The following ANKS1B variants were observed in gnomAD, a reference collection of about 807,000 sequenced individuals.
ANKS1B encodes ankyrin repeat and sterile alpha motif domain containing 1B, also known as ankyrin repeat and sterile alpha motif domain-containing protein 1B.
A neutral mutation model predicts 148.3 loss-of-function variants in ANKS1B; 36 were observed. That is an observed-to-expected ratio of 0.24 (90% CI 0.19 to 0.32). The LOEUF is 0.32. ANKS1B is among the 10% of genes least tolerant of loss of function. The pLI is 1.00. For synonymous variants in ANKS1B, 542 were observed against 560.8 expected, an observed-to-expected ratio of 0.97 and a Z score of 0.47; for missense variants, 1,157 against 1,542.6, an observed-to-expected ratio of 0.75 and a Z score of 4.19.
At chr12:99,480,199 T>C (rs985822900) in intron 10 of ANKS1B, among the ~76,000 whole-genome samples, 5 of 151,884 alleles carry the variant, frequency 3.3e-5, no homozygotes, top group Non-Finnish European at 5.9e-5. Context: ...ATTTGTTTTA[T>C]GAAAAGCTCT....
chr12:99,814,864 A>G (rs1451438229), intron 2 of ANKS1B, among the ~76,000 whole-genome samples: 1 of 151,788 alleles, frequency 6.6e-6, no homozygotes, highest in Non-Finnish European at 1.5e-5. Flanking sequence ...AATTCCAGTG[A>G]TTGCTTTTTA....
chr12:99,917,194 A>G (rs1433469142), intron 1 of ANKS1B, among the ~76,000 whole-genome samples: 6 of 152,212 alleles, frequency 3.9e-5, no homozygotes, highest in African/African-American at 1.4e-4. Context: ...ATACTTCATG[A>G]TCAGATACAA....
At chr12:99,751,954 C>T (rs2061147503) in intron 8 of ANKS1B, among the ~76,000 whole-genome samples, 1 of 151,860 alleles carries the variant, frequency 6.6e-6, no homozygotes, top group Non-Finnish European at 1.5e-5. Context: ...AGTGTGAGAA[C>T]TCAGGTATAG....
intron 1 of ANKS1B, among the ~76,000 whole-genome samples, chr12:99,959,227 A>ATTTTTTTTTTTTTTTTT (rs71088166): frequency 7.0e-5 from 7 of 99,896 alleles, no homozygotes; most frequent in Non-Finnish European, 1.1e-4. Context: ...CACCCAGTTA[A>ATTTTTTTTTTTTTTTTT]TTTTTTTTTT....
chr12:99,927,918 G>C (rs934284680), intron 1 of ANKS1B, among the ~76,000 whole-genome samples: 3 of 152,098 alleles, frequency 2.0e-5, no homozygotes, highest in African/African-American at 7.2e-5. Context: ...ATTGTAATCT[G>C]AATCTTTAAG....
intron 9 of ANKS1B, among the ~76,000 whole-genome samples, chr12:99,588,657 A>AT (rs1407662190): frequency 6.6e-6 from 1 of 151,696 alleles, no homozygotes; most frequent in Admixed American, 6.6e-5. Context: ...ATGGTTTTGA[A>AT]TTTTTTTTTA....
intron 17 of ANKS1B, among the ~76,000 whole-genome samples, chr12:99,017,611 T>C (rs1271113613): frequency 6.6e-6 from 1 of 152,168 alleles, no homozygotes. Flanking sequence ...ACCAGTATGA[T>C]TCCATCCCTA....
intron 9 of ANKS1B, among the ~76,000 whole-genome samples, chr12:99,524,820 A>G (rs2096910608): frequency 1.3e-5 from 2 of 152,188 alleles, no homozygotes; most frequent in South Asian, 2.1e-4. Flanking sequence ...CCATGAGAAC[A>G]GTATTGGGGA....
At chr12:98,799,859 C>A (rs780947430) in intron 21 of ANKS1B, among the ~76,000 whole-genome samples, 26 of 151,636 alleles carry the variant, frequency 1.7e-4, no homozygotes, top group Non-Finnish European at 2.5e-4. Context: ...GCCCTCCCCC[C>A]ACCAGCCCCC....
At chr12:99,217,468 C>T (rs557521358) in intron 14 of ANKS1B, among the ~76,000 whole-genome samples, 1 of 152,056 alleles carries the variant, frequency 6.6e-6, no homozygotes, top group Non-Finnish European at 1.5e-5. Context: ...CTGGATGTTC[C>T]ATTATGTTTC....
At chr12:99,785,953 T>C (rs917519261) in intron 4 of ANKS1B, among the ~76,000 whole-genome samples, 4 of 152,324 alleles carry the variant, frequency 2.6e-5, no homozygotes, top group Admixed American at 6.5e-5. Context: ...AGCACAGTTT[T>C]GAAGGAAATG....
intron 10 of ANKS1B, among the ~76,000 whole-genome samples, chr12:99,501,090 T>A (rs1473546485): frequency 1.7e-5 from 2 of 118,464 alleles, no homozygotes; most frequent in East Asian, 2.2e-4. Flanking sequence ...TTTCTAAAAG[T>A]TTTTTTTTTC....
intron 4 of ANKS1B, among the ~76,000 whole-genome samples, chr12:99,804,349 G>C (rs2067330005): frequency 6.6e-6 from 1 of 152,186 alleles, no homozygotes; most frequent in South Asian, 2.1e-4. Context: ...CCTTTGAGGA[G>C]AGAGACTGTT....
At chr12:98,946,313 T>A (rs991853878) in intron 17 of ANKS1B, among the ~76,000 whole-genome samples, 1 of 152,216 alleles carries the variant, frequency 6.6e-6, no homozygotes, top group Non-Finnish European at 1.5e-5. Flanking sequence ...TCCTTCCCTA[T>A]CCCTGCACTC....
intron 17 of ANKS1B, among the ~76,000 whole-genome samples, chr12:99,018,621 A>G (rs950222440): frequency 1.3e-5 from 2 of 152,186 alleles, no homozygotes; most frequent in African/African-American, 4.8e-5. Context: ...ACTTCTACTC[A>G]TGAAACACAT....
chr12:99,618,761 C>T (rs974856155), intron 9 of ANKS1B, among the ~76,000 whole-genome samples: 1 of 152,000 alleles, frequency 6.6e-6, no homozygotes, highest in South Asian at 2.1e-4. Context: ...TTTCCCAGAC[C>T]CAGGACTGAG....
At chr12:98,992,154 A>C (rs1467474670) in intron 17 of ANKS1B, among the ~76,000 whole-genome samples, 1 of 151,914 alleles carries the variant, frequency 6.6e-6, no homozygotes, top group Non-Finnish European at 1.5e-5. Flanking sequence ...CATTCACCAA[A>C]TTCTAGCCAC....
intron 12 of ANKS1B, among the ~76,000 whole-genome samples, chr12:99,258,242 TAATC>T (rs1047362724): frequency 1.3e-5 from 2 of 152,130 alleles, no homozygotes; most frequent in Non-Finnish European, 2.9e-5. Context: ...ATGTAATATA[TAATC>T]AATAAATTAT....
At chr12:98,958,542 T>G (rs1174026494) in intron 17 of ANKS1B, among the ~76,000 whole-genome samples, 1 of 152,250 alleles carries the variant, frequency 6.6e-6, no homozygotes, top group Admixed American at 6.5e-5. Context: ...ACTGGTAGCA[T>G]GTGTTTGATT....
Sources: allele counts gnomAD v4.1 joint callset (sites outside exome capture counted in the v4.1 genomes callset), GRCh38; gene constraint gnomAD v4.1.1; transcripts MANE v1.5; gene names NCBI Gene and HGNC (gene_info 2026-07-23, HGNC 2026-07-21).